ANXA11: variants seen among roughly 807,000 people sequenced by gnomAD.
ANXA11 encodes annexin A11.
Under a neutral mutation model 64.7 loss-of-function variants are expected in ANXA11, and 57 were observed. The observed-to-expected ratio is 0.88, with a 90% CI of 0.71 to 1.10. The LOEUF (loss-of-function observed/expected upper bound fraction) is 1.10. Ranked by LOEUF, ANXA11 falls within the 50% of genes least tolerant of loss-of-function variation. The pLI is 0.00. For missense variants in ANXA11, 675 were observed against 670.7 expected, an observed-to-expected ratio of 1.01 and a Z score of -0.07; for synonymous variants, 260 against 265.2, an observed-to-expected ratio of 0.98 and a Z score of 0.19.
Position 80,151,544 on chromosome 10 carries a change from G to A in ANXA11, c.*4309C>T, listed in dbSNP as rs1417602097. On this transcript the variant is annotated 3_prime_UTR_variant, in exon 16 of 16. Transcript: ENST00000422982. The stretch of plus-strand genomic sequence containing the variant: ...CCAGGGCAGGAAAGAGCCTACAGCA[G>A]AAATAAGGAGCCAGGTCCTAAGGTA... 6.6e-6 allele frequency: 1 copy of A among 152,172 alleles called. No individual in the cohort carries two copies. The highest frequency in any genetic ancestry group is 1.5e-5 in the Non-Finnish European group (1 of 68,034). 9.4% of individuals were successfully genotyped at this position (152,172 alleles called of 1,614,324 possible).
chr10:80,185,272 C>A (rs780619199), intron 1 of ANXA11, among the ~76,000 whole-genome samples: 3 of 152,216 alleles, frequency 2.0e-5, no homozygotes, highest in Non-Finnish European at 4.4e-5. Context: ...CCAGGCCTAG[C>A]TCAGCCTCAC....
At chr10:80,182,325 G>A (rs1483806591) in intron 1 of ANXA11, among the ~76,000 whole-genome samples, 2 of 151,994 alleles carry the variant, frequency 1.3e-5, no homozygotes, top group Non-Finnish European at 2.9e-5. Flanking sequence ...AGGAATACAA[G>A]CACACTGTAG....
At chr10:80,171,956 T>G in intron 3 of ANXA11, 1 of 978,712 alleles carries the variant, frequency 1.0e-6, no homozygotes, top group Non-Finnish European at 1.2e-6. Flanking sequence ...CTGAGCCACC[T>G]CTAGGTCTGA....
At chr10:80,167,605 G>C (rs777991812) in intron 5 of ANXA11, among the ~76,000 whole-genome samples, 3 of 152,160 alleles carry the variant, frequency 2.0e-5, no homozygotes, top group Non-Finnish European at 4.4e-5. Context: ...CCAGGGCTGG[G>C]GCTCAGGCTC....
intron 1 of ANXA11, among the ~76,000 whole-genome samples, chr10:80,184,617 A>G (rs1178704093): frequency 6.6e-6 from 1 of 152,172 alleles, no homozygotes; most frequent in African/African-American, 2.4e-5. Context: ...TTATATAACT[A>G]TAATACAGCT....
intron 1 of ANXA11, among the ~76,000 whole-genome samples, chr10:80,188,495 A>ATT: frequency 1.1e-5 from 1 of 93,030 alleles, no homozygotes; most frequent in Non-Finnish European, 2.2e-5. Flanking sequence ...ATATATATAT[A>ATT]TATATATATA....
chr10:80,166,607 C>A, intron 7 of ANXA11: 1 of 508,574 alleles, frequency 2.0e-6, no homozygotes, highest in Non-Finnish European at 3.5e-6. Context: ...ATGAAGAGGG[C>A]AGGGGAAGGA....
rs9421228 is a variant in ANXA11, at chr10:80,166,039, C to T, written c.858+45G>A. ...ACGCATGCGCGCGTGCGCACACACG[C>T]GCGCACACACACACACACACACACA... On this transcript the variant is annotated intron_variant, in intron 8 of 15. Coordinates refer to ENST00000422982, the MANE Select transcript of ANXA11 (RefSeq NM_145868.2). 0.49 allele frequency: 529,944 copies of T among 1,088,460 alleles called. 128,097 individuals carry two copies. The highest frequency in any genetic ancestry group is 0.67 in the East Asian group (28,187 of 41,884). 67.4% of individuals were successfully genotyped at this position (1,088,460 alleles called of 1,614,324 possible).
chr10:80,166,541 C>A lies in ANXA11; in HGVS notation c.745-344G>T, dbSNP rs1845749171. 5.9e-5 allele frequency: 26 copies of A among 442,692 alleles called. No individual in the cohort carries two copies. The South Asian group carries it at 6.4e-4, about 11-fold the overall frequency. 27.4% of individuals were successfully genotyped at this position (442,692 alleles called of 1,614,324 possible). On this transcript the variant is annotated intron_variant, in intron 7 of 15. Coordinates refer to ENST00000422982, the MANE Select transcript of ANXA11 (RefSeq NM_145868.2). The stretch of plus-strand genomic sequence containing the variant: ...ATACACGCCCCTCGTACTTGGGCAG[C>A]ACTCACAGCCTTTCCCTGCAAAGCT...
intron 1 of ANXA11, among the ~76,000 whole-genome samples, chr10:80,197,882 C>T (rs1840240304): frequency 6.6e-6 from 1 of 151,962 alleles, no homozygotes; most frequent in Non-Finnish European, 1.5e-5. Flanking sequence ...CGAGATCATG[C>T]CACTGCACTC....
At chr10:80,156,391 G>T in intron 15 of ANXA11, 1 of 472,546 alleles carries the variant, frequency 2.1e-6, no homozygotes. Context: ...AAGAGTGCAG[G>T]CTCGGCTTGG....
At chr10:80,157,041 G>A (rs1345124224) in intron 15 of ANXA11, 2 of 985,198 alleles carry the variant, frequency 2.0e-6, no homozygotes, top group Non-Finnish European at 2.4e-6. Context: ...TGTGGCTAGT[G>A]TTTAATAGAC....
rs187619378 is a variant in ANXA11, at chr10:80,157,200, C to T, written c.1458+441G>A. ...AGTTAGCAAGTAGAAAAGCTGGACT[C>T]CAAGTGGCGTGACCCCCAGGGCCCT... On this transcript the variant is annotated intron_variant, in intron 15 of 15. Coordinates refer to ENST00000422982, the MANE Select transcript of ANXA11 (RefSeq NM_145868.2). 9.1e-3 allele frequency: 8,952 copies of T among 985,038 alleles called. 53 individuals are homozygous for T. The highest frequency in any genetic ancestry group is 9.8e-3 in the Non-Finnish European group (8,140 of 829,566). The allele number at this position is 985,038 out of a possible 1,614,324, so 61.0% of individuals were successfully genotyped here.
At chr10:80,203,659 C>T (rs752330121) in intron 1 of ANXA11, among the ~76,000 whole-genome samples, 1 of 152,144 alleles carries the variant, frequency 6.6e-6, no homozygotes, top group Non-Finnish European at 1.5e-5. Flanking sequence ...CACCGCCACA[C>T]AAATACTATG....
chr10:80,194,781 A>C (rs1846917016), intron 1 of ANXA11, among the ~76,000 whole-genome samples: 1 of 152,058 alleles, frequency 6.6e-6, no homozygotes, highest in Non-Finnish European at 1.5e-5. Flanking sequence ...CAAAAGGGAG[A>C]CTCTGGCTTA....
chr10:80,199,678 T>G (rs992042538), intron 1 of ANXA11, among the ~76,000 whole-genome samples: 2 of 152,012 alleles, frequency 1.3e-5, no homozygotes, highest in African/African-American at 4.8e-5. Flanking sequence ...TCAAAATAAA[T>G]AAAAATGAAA....
At chr10:80,202,494 C>T (rs1368747468) in intron 1 of ANXA11, among the ~76,000 whole-genome samples, 1 of 152,072 alleles carries the variant, frequency 6.6e-6, no homozygotes, top group Non-Finnish European at 1.5e-5. Flanking sequence ...TGCAACAACT[C>T]CCTTTAAAAG....
chr10:80,164,320 G>A (rs1298667289), intron 8 of ANXA11, among the ~76,000 whole-genome samples, 177 bp from the exon 9 acceptor site: 6 of 152,152 alleles, frequency 3.9e-5, no homozygotes, highest in African/African-American at 1.4e-4. Flanking sequence ...TCCACAGCCC[G>A]GGCAAGCACA....
At chr10:80,166,486 T>C (rs1845746743) in intron 7 of ANXA11, 3 of 442,620 alleles carry the variant, frequency 6.8e-6, no homozygotes, top group Non-Finnish European at 1.2e-5. Context: ...CTTTCTAAGA[T>C]TCAAAACCCC....
Sources: gnomAD v4.1 joint callset for allele counts (sites outside exome capture counted in the v4.1 genomes callset) on GRCh38, gnomAD v4.1.1 for gene constraint, MANE v1.5 for transcripts, NCBI Gene and HGNC (gene_info 2026-07-23, HGNC 2026-07-21) for gene names.